PAPOLG: variants seen among roughly 807,000 people sequenced by gnomAD.
The protein encoded by PAPOLG is PAP-gamma.
In PAPOLG, 40 loss-of-function variants were observed where a neutral mutation model predicts 99.0. The observed-to-expected ratio is 0.40, with a 90% CI of 0.31 to 0.53. The LOEUF (loss-of-function observed/expected upper bound fraction) is 0.53. Ranked by LOEUF, PAPOLG falls within the 20% of genes least tolerant of loss-of-function variation. The pLI, the probability that PAPOLG is intolerant of heterozygous loss-of-function variation, is 0.41. For synonymous variants in PAPOLG, 310 were observed against 299.3 expected (o/e 1.04, Z -0.37); for missense variants, 675 against 884.1 (o/e 0.76, Z 3.00).
chr2:60,776,805 T>TTC (rs1333534311), intron 8 of PAPOLG, among the ~76,000 whole-genome samples: 3 of 152,220 alleles, frequency 2.0e-5, no homozygotes, highest in Admixed American at 6.5e-5. Context: ...GAAACCAAGC[T>TTC]TCTCCTCTCT....
intron 3 of PAPOLG, among the ~76,000 whole-genome samples, chr2:60,763,638 G>GGGC (rs1670587247): frequency 6.6e-6 from 1 of 151,960 alleles, no homozygotes; most frequent in Admixed American, 6.6e-5. Context: ...CAAGTAGCTG[G>GGGC]GGCTACAGGT....
At chr2:60,793,205 T>TTA (rs1356555681) in intron 17 of PAPOLG, among the ~76,000 whole-genome samples, 110 of 45,562 alleles carry the variant, frequency 2.4e-3, no homozygotes, top group Non-Finnish European at 4.2e-3. Context: ...ATACCATGTC[T>TTA]AAAAAAAAAA....
intron 1 of PAPOLG, among the ~76,000 whole-genome samples, chr2:60,758,539 T>G (rs1670425297): frequency 6.6e-6 from 1 of 151,464 alleles, no homozygotes; most frequent in African/African-American, 2.4e-5. Flanking sequence ...GCGAATCTCC[T>G]GCCTCAGCCT....
chr2:60,760,007 C>A, intron 1 of PAPOLG, 127 bp from the exon 2 acceptor site: 1 of 885,868 alleles, frequency 1.1e-6, no homozygotes, highest in African/African-American at 1.7e-5. Flanking sequence ...AAGTGTCTGC[C>A]ACTACTGTTA....
chr2:60,756,810 C>T (rs1281674273), intron 1 of PAPOLG, among the ~76,000 whole-genome samples: 1 of 152,066 alleles, frequency 6.6e-6, no homozygotes, highest in Admixed American at 6.5e-5. Flanking sequence ...CGCCTGCCCC[C>T]AGCACTGTCT....
rs1289630647 is a variant in PAPOLG at position 60,798,545 on chromosome 2, T to C, written c.*1385T>C. The C allele has an allele frequency of 6.6e-6, 1 of 152,540 alleles. No homozygotes were observed. Among genetic ancestry groups the C allele is most frequent in the Non-Finnish European group, 1.5e-5 (1 of 68,046 alleles). 9.4% of individuals were successfully genotyped at this position (152,540 alleles called of 1,614,324 possible). A position where few individuals can be genotyped will look rare whatever the true frequency, so the allele number is the denominator to read the frequency against. On this transcript the variant is annotated 3_prime_UTR_variant, in exon 22 of 22. Coordinates refer to ENST00000238714, the MANE Select transcript of PAPOLG (RefSeq NM_022894.4). ...TATATTTAAAATGAAAATGTATAGATTACACAGCCAGGAATGCTAGTATCT... is the reference window on the plus strand; with the variant it reads ...TATATTTAAAATGAAAATGTATAGACTACACAGCCAGGAATGCTAGTATCT...
At chr2:60,794,822 A>G in intron 20 of PAPOLG, 47 bp downstream of exon 20, 1 of 1,546,196 alleles carries the variant, frequency 6.5e-7, no homozygotes, top group Non-Finnish European at 8.9e-7. Flanking sequence ...GTAAAGCGCC[A>G]TGTATCAGGA....
intron 17 of PAPOLG, among the ~76,000 whole-genome samples, chr2:60,792,722 C>T (rs1671577352): frequency 6.6e-6 from 1 of 152,060 alleles, no homozygotes; most frequent in Non-Finnish European, 1.5e-5. Context: ...ATGGCAAAAC[C>T]CTGTCTATAC....
intron 6 of PAPOLG, among the ~76,000 whole-genome samples, chr2:60,770,813 C>T (rs988298984): frequency 3.3e-5 from 5 of 151,938 alleles, no homozygotes; most frequent in African/African-American, 9.7e-5. Context: ...TTAGTAGAGA[C>T]GGGGTTTCAC....
At position 60,771,521 on chromosome 2, in the gene PAPOLG, T is replaced by C; in HGVS notation, c.495T>C (p.Ile165=). The change falls in exon 7 of 22, where the codon ATT becomes ATC. Residue 165 remains isoleucine (I), a splice_region_variant and synonymous_variant. Transcript: ENST00000238714. Reference sequence around the variant, plus strand: ...TCTTTTTTCACATCTTTCCAAAGATTGATCTAGTCTTTGCAAGACTGGCAA... The same window carrying C: ...TCTTTTTTCACATCTTTCCAAAGATCGATCTAGTCTTTGCAAGACTGGCAA... ...VIKFEFDGIE[I]DLVFARLAIQ... 8.2e-6 allele frequency: 13 copies of C among 1,579,278 alleles called. No homozygotes were observed. Among genetic ancestry groups the C allele is most frequent in the Non-Finnish European group, 1.1e-5 (13 of 1,170,150 alleles).
Position 60,773,795 on chromosome 2 carries a change from A to C in PAPOLG, c.605-1239A>C, listed in dbSNP as rs532782844. 1.3e-3 allele frequency among the ~76,000 whole-genome samples: 194 copies of C among 152,278 alleles called. 1 individual carries two copies. The highest frequency in any genetic ancestry group is 4.6e-3 in the African/African-American group (190 of 41,582). The stretch of plus-strand genomic sequence containing the variant: ...TAGTAACAGATAAAAGTTGTCTGAA[A>C]TTCAGATTTAACTTGAAAGCTTAAA... On this transcript the variant is annotated intron_variant, in intron 7 of 21. Transcript: ENST00000238714.
intron 17 of PAPOLG, among the ~76,000 whole-genome samples, 177 bp downstream of exon 17, chr2:60,792,466 A>G (rs1469230352): frequency 2.6e-5 from 4 of 152,252 alleles, no homozygotes; most frequent in Admixed American, 1.3e-4. Context: ...GGGAAACGGT[A>G]TAGGCTTATG....
chr2:60,792,286 A>G lies in PAPOLG; in HGVS notation c.1676A>G (p.Glu559Gly). The G allele has an allele frequency of 6.3e-7, 1 of 1,598,300 alleles. No individual in the cohort carries two copies. The highest frequency in any genetic ancestry group is 8.5e-7 in the Non-Finnish European group (1 of 1,174,712). Residue 559 changes from glutamate (E) to glycine (G), a missense_variant, in exon 17 of 22, where the codon GAA becomes GGA. Coordinates refer to ENST00000238714, the MANE Select transcript of PAPOLG (RefSeq NM_022894.4). The stretch of plus-strand genomic sequence containing the variant: ...GATAGCCCTTCTGTAGGAGAAACAG[A>G]AAGGTCTGTCTTTATTTCAAATGTG... ...KSDSPSVGETERNSAEPAAVI... is the reference protein window; with the variant it reads ...KSDSPSVGETGRNSAEPAAVI...
rs562764336 is a variant in PAPOLG, at chr2:60,774,426, C to T, written c.605-608C>T. Among the ~76,000 whole-genome samples the T allele has an allele frequency of 1.3e-4, 20 of 149,850 alleles. No homozygotes were observed. The South Asian group carries it at 3.8e-3, about 28-fold the overall frequency. On this transcript the variant is annotated intron_variant, in intron 7 of 21. Coordinates refer to ENST00000238714, the MANE Select transcript of PAPOLG (RefSeq NM_022894.4). ...TATTGCCCAGGCTGGAGTGCAGTGG[C>T]GTGATCTCAGCTCACTACAACCTCC...
chr2:60,777,301 C>T (rs1449488472), intron 8 of PAPOLG, among the ~76,000 whole-genome samples: 2 of 152,036 alleles, frequency 1.3e-5, no homozygotes, highest in African/African-American at 4.8e-5. Flanking sequence ...ACTAAAAATA[C>T]AAAAATTAGC....
intron 8 of PAPOLG, among the ~76,000 whole-genome samples, chr2:60,779,261 CA>C (rs1169879454): frequency 6.6e-6 from 1 of 152,054 alleles, no homozygotes; most frequent in Non-Finnish European, 1.5e-5. Flanking sequence ...ATTGTCTCTC[CA>C]AATGTCTCCT....
intron 11 of PAPOLG, 105 bp downstream of exon 11, chr2:60,782,110 C>A: frequency 8.5e-7 from 1 of 1,174,318 alleles, no homozygotes; most frequent in Non-Finnish European, 1.2e-6. Flanking sequence ...TATACCTATT[C>A]TTTCTAAAAA....
At chr2:60,792,002 A>G (rs997592204) in intron 16 of PAPOLG, 120 bp downstream of exon 16, 39 of 1,456,636 alleles carry the variant, frequency 2.7e-5, no homozygotes, top group Non-Finnish European at 3.2e-5. Context: ...AGGCAGTTCA[A>G]TCTAGGACTA....
At position 60,775,240 on chromosome 2, in the gene PAPOLG, T is replaced by C. The variant is rs1573233590; in HGVS notation, c.694+117T>C. On this transcript the variant is annotated intron_variant, in intron 8 of 21. Transcript: ENST00000238714. ...GATATTGTTGGAGGTTAAGGGCCAA[T>C]AAACTCTGTAATAGCTATTTGCTTT... The C allele has an allele frequency of 4.2e-6, 5 of 1,185,544 alleles. No individual in the cohort carries two copies. The East Asian group carries it at 1.3e-4, about 30-fold the overall frequency. The allele number at this position is 1,185,544 out of a possible 1,614,324, so 73.4% of individuals were successfully genotyped here.
Sources: allele counts gnomAD v4.1 joint callset (sites outside exome capture counted in the v4.1 genomes callset), GRCh38; gene constraint gnomAD v4.1.1; transcripts MANE v1.5; gene names NCBI Gene and HGNC (gene_info 2026-07-23, HGNC 2026-07-21).